The following NOVA1 variants were observed in gnomAD, a reference collection of about 807,000 sequenced individuals.
NOVA1 encodes NOVA alternative splicing regulator 1.
In NOVA1, 7 loss-of-function variants were observed where a neutral mutation model predicts 38.0. The ratio of observed to expected loss-of-function variants is 0.18; its 90% confidence interval spans 0.10 to 0.35. The LOEUF (loss-of-function observed/expected upper bound fraction) is 0.35, where lower values mean the gene tolerates loss of function less well. NOVA1 is among the 10% of genes least tolerant of loss of function. NOVA1 has a pLI of 1.00. For synonymous variants in NOVA1, 270 were observed against 232.5 expected, an observed-to-expected ratio of 1.16 and a Z score of -1.47; for missense variants, 460 against 616.0, an observed-to-expected ratio of 0.75 and a Z score of 2.68.
intron 2 of NOVA1, among the ~76,000 whole-genome samples, chr14:26,512,317 T>C (rs983005201): frequency 6.6e-6 from 1 of 152,202 alleles, no homozygotes; most frequent in Non-Finnish European, 1.5e-5. Flanking sequence ...TTCACATTAG[T>C]ACTTCTAACT....
Position 26,586,632 on chromosome 14 carries a change from AT to A in NOVA1, c.280+8777del, listed in dbSNP as rs1233837295. On this transcript the variant is annotated intron_variant, in intron 2 of 4. Transcript: ENST00000539517. Reference sequence around the variant, plus strand: ...TAAAATGTAGAAGTATAGCTAAGGAATGATGAAAGCAAGAAAGAAAAAAAGT... The same window carrying A: ...TAAAATGTAGAAGTATAGCTAAGGAAGATGAAAGCAAGAAAGAAAAAAAGT... 2.6e-5 allele frequency among the ~76,000 whole-genome samples: 4 copies of A among 151,408 alleles called. No homozygotes were observed. In the East Asian group the frequency reaches 5.8e-4, roughly 22 times the overall value.
intron 2 of NOVA1, among the ~76,000 whole-genome samples, chr14:26,586,560 T>G (rs1322923605): frequency 6.6e-6 from 1 of 151,094 alleles, no homozygotes; most frequent in African/African-American, 2.4e-5. Flanking sequence ...GAAAACAAAA[T>G]TTAACTTAGC....
At chr14:26,551,924 A>G (rs1161256538) in intron 2 of NOVA1, among the ~76,000 whole-genome samples, 1 of 152,088 alleles carries the variant, frequency 6.6e-6, no homozygotes, top group Non-Finnish European at 1.5e-5. Context: ...ACAAAACAGT[A>G]TTATAAAACA....
At chr14:26,572,489 G>C (rs1244788715) in intron 2 of NOVA1, among the ~76,000 whole-genome samples, 1 of 152,114 alleles carries the variant, frequency 6.6e-6, no homozygotes, top group African/African-American at 2.4e-5. Context: ...CTACTATGTG[G>C]AAGACCCTAT....
chr14:26,488,157 C>A (rs2138338932), intron 2 of NOVA1, among the ~76,000 whole-genome samples: 1 of 152,262 alleles, frequency 6.6e-6, no homozygotes, highest in Non-Finnish European at 1.5e-5. Context: ...TACTTTTAAA[C>A]TGCAAAAATT....
At chr14:26,453,314 C>G (rs576978382) in intron 4 of NOVA1, among the ~76,000 whole-genome samples, 31 of 152,094 alleles carry the variant, frequency 2.0e-4, no homozygotes, top group Non-Finnish European at 3.8e-4. Context: ...CTGAAGCGAT[C>G]CACCTGGTTC....
intron 2 of NOVA1, among the ~76,000 whole-genome samples, chr14:26,552,731 T>G (rs528289475): frequency 6.6e-6 from 1 of 152,284 alleles, no homozygotes; most frequent in African/African-American, 2.4e-5. Flanking sequence ...ATTTAAGGTA[T>G]GAAAATTAGT....
At chr14:26,585,638 AAT>A (rs201369181) in intron 2 of NOVA1, among the ~76,000 whole-genome samples, 1 of 151,140 alleles carries the variant, frequency 6.6e-6, no homozygotes, top group Non-Finnish European at 1.5e-5. Context: ...AAAATCTTGT[AAT>A]ATATATATAC....
chr14:26,552,717 T>C (rs1891235777), intron 2 of NOVA1, among the ~76,000 whole-genome samples: 1 of 152,158 alleles, frequency 6.6e-6, no homozygotes, highest in South Asian at 2.1e-4. Context: ...CTATTAAATA[T>C]ACAATTTAAG....
At chr14:26,515,076 T>C (rs1290446801) in intron 2 of NOVA1, among the ~76,000 whole-genome samples, 1 of 152,060 alleles carries the variant, frequency 6.6e-6, no homozygotes, top group East Asian at 1.9e-4. Context: ...AGTCCAAAAA[T>C]GGCCAACAAA....
intron 2 of NOVA1, among the ~76,000 whole-genome samples, chr14:26,565,731 A>G (rs572281100): frequency 2.0e-5 from 3 of 152,302 alleles, no homozygotes; most frequent in African/African-American, 7.2e-5. Context: ...CAACAAATGG[A>G]TAAGCTAACA....
chr14:26,586,728 A>G (rs1893535596), intron 2 of NOVA1, among the ~76,000 whole-genome samples: 2 of 151,328 alleles, frequency 1.3e-5, no homozygotes, highest in African/African-American at 2.4e-5. Flanking sequence ...TTCAAACAGT[A>G]TAATTAAGGA....
chr14:26,512,381 T>C (rs1444539089), intron 2 of NOVA1, among the ~76,000 whole-genome samples: 1 of 152,182 alleles, frequency 6.6e-6, no homozygotes, highest in Non-Finnish European at 1.5e-5. Context: ...GGGAATAGTT[T>C]AAAGCAGGGG....
At position 26,511,756 on chromosome 14, in the gene NOVA1, A is replaced by G. The variant is rs548995729; in HGVS notation, c.281-31613T>C. On this transcript the variant is annotated intron_variant, in intron 2 of 4. Transcript: ENST00000539517. ...ACAGAGTGAGACTGTGTCTCAAAAG[A>G]AAAAAAAAAAGAAGAGTTTCCCAAA... Among the ~76,000 whole-genome samples the G allele has an allele frequency of 9.4e-5, 12 of 127,636 alleles. No individual in the cohort carries two copies. In the South Asian group the frequency reaches 2.7e-3, roughly 28 times the overall value. 83.7% of individuals were successfully genotyped at this position (127,636 alleles called of 152,430 possible).
At chr14:26,476,319 C>CA (rs1566457039) in intron 3 of NOVA1, among the ~76,000 whole-genome samples, 1 of 151,938 alleles carries the variant, frequency 6.6e-6, no homozygotes. Flanking sequence ...TAAGTGACTT[C>CA]TTTTTTTTCC....
At chr14:26,510,729 A>G (rs1050929798) in intron 2 of NOVA1, among the ~76,000 whole-genome samples, 1 of 152,214 alleles carries the variant, frequency 6.6e-6, no homozygotes, top group African/African-American at 2.4e-5. Flanking sequence ...AAAGGCTTTA[A>G]ACACTGTAGT....
intron 2 of NOVA1, among the ~76,000 whole-genome samples, chr14:26,503,587 A>G (rs1887400710): frequency 6.6e-6 from 1 of 152,092 alleles, no homozygotes; most frequent in African/African-American, 2.4e-5. Context: ...CAACTTAGCA[A>G]TTAAGTACCA....
intron 1 of NOVA1, chr14:26,596,216 C>T (rs1894178187): frequency 3.7e-6 from 1 of 267,546 alleles, no homozygotes; most frequent in Non-Finnish European, 7.4e-6. Flanking sequence ...ACCGTGATCT[C>T]GTTTAAGCTC....
chr14:26,521,729 G>A (rs1888915007), intron 2 of NOVA1, among the ~76,000 whole-genome samples: 1 of 152,024 alleles, frequency 6.6e-6, no homozygotes, highest in South Asian at 2.1e-4. Flanking sequence ...ACAGAGGTCA[G>A]CAAACTTTTC....
Sources: allele counts gnomAD v4.1 joint callset (sites outside exome capture counted in the v4.1 genomes callset), GRCh38; gene constraint gnomAD v4.1.1; transcripts MANE v1.5; gene names NCBI Gene and HGNC (gene_info 2026-07-23, HGNC 2026-07-21).